Variants in RAD52 observed in about 807,000 individuals in gnomAD.
The protein encoded by RAD52 is DNA repair protein RAD52 homolog.
A neutral mutation model predicts 55.5 loss-of-function variants in RAD52; 47 were observed. The observed-to-expected ratio is 0.85, with a 90% CI of 0.67 to 1.08. The LOEUF (loss-of-function observed/expected upper bound fraction) is 1.08, where lower values mean the gene tolerates loss of function less well. Among genes scored for constraint, RAD52 ranks in the 50% least tolerant of loss-of-function variants. The probability of loss-of-function intolerance (pLI) is 0.00; values close to 1 mark genes in which losing one functional copy is unlikely to be tolerated. For missense variants in RAD52, 468 were observed against 522.8 expected (o/e 0.90, Z 1.02); for synonymous variants, 184 against 198.9 (o/e 0.92, Z 0.63).
chr12:932,834 G>A lies in RAD52; in HGVS notation c.84+141C>T, dbSNP rs200926740. The A allele has an allele frequency of 7.9e-5, 51 of 649,584 alleles. 1 individual carries two copies. The highest frequency in any genetic ancestry group is 4.0e-4 in the African/African-American group (22 of 54,806). The allele number at this position is 649,584 out of a possible 1,614,324, so 40.2% of individuals were successfully genotyped here. A position where few individuals can be genotyped will look rare whatever the true frequency, so the allele number is the denominator to read the frequency against. On this transcript the variant is annotated intron_variant, in intron 2 of 11. Coordinates refer to ENST00000358495, the MANE Select transcript of RAD52 (RefSeq NM_134424.4). ...CTGCTCACACACGTACTAGGTAAAC[G>A]TACTAGGTACTGCTCACACACGTAC... is the stretch of plus-strand genomic sequence containing the variant.
chr12:961,307 C>T (rs1400437779), intron 1 of RAD52, among the ~76,000 whole-genome samples: 6 of 27,400 alleles, frequency 2.2e-4, no homozygotes, highest in African/African-American at 8.1e-4. Context: ...GAGACTCCAT[C>T]TCAAAAAAAA....
At chr12:940,937 G>T (rs1957887828) in intron 1 of RAD52, among the ~76,000 whole-genome samples, 1 of 152,024 alleles carries the variant, frequency 6.6e-6, no homozygotes, top group African/African-American at 2.4e-5. Flanking sequence ...ACATACAATT[G>T]AAGTGAAATT....
At chr12:916,296 T>C (rs200728249) in intron 9 of RAD52, 48 bp downstream of exon 9, 10 of 1,591,784 alleles carry the variant, frequency 6.3e-6, no homozygotes, top group Middle Eastern at 1.7e-4. Flanking sequence ...GCGGCTACAC[T>C]TCCTCCTGCA....
chr12:946,497 T>C (rs1958236106), intron 1 of RAD52, among the ~76,000 whole-genome samples: 1 of 152,186 alleles, frequency 6.6e-6, no homozygotes, highest in Admixed American at 6.5e-5. Flanking sequence ...ATTTAATATA[T>C]ATTGTTGATG....
chr12:957,398 G>A (rs1958621694), intron 1 of RAD52, among the ~76,000 whole-genome samples: 1 of 149,884 alleles, frequency 6.7e-6, no homozygotes, highest in Non-Finnish European at 1.5e-5. Flanking sequence ...GGGAGGCGGA[G>A]GAGGTTGCAG....
intron 1 of RAD52, among the ~76,000 whole-genome samples, chr12:987,259 G>A (rs190386443): frequency 1.8e-4 from 27 of 152,154 alleles, no homozygotes; most frequent in Non-Finnish European, 3.7e-4. Context: ...GTGAGCCACC[G>A]TGCCCAGCCC....
At chr12:960,751 G>C (rs1336492703) in intron 1 of RAD52, among the ~76,000 whole-genome samples, 1 of 152,112 alleles carries the variant, frequency 6.6e-6, no homozygotes, top group Non-Finnish European at 1.5e-5. Context: ...ATAGATGTGA[G>C]CCACCTTACC....
At chr12:969,867 G>A (rs974030016) in intron 1 of RAD52, among the ~76,000 whole-genome samples, 1 of 151,762 alleles carries the variant, frequency 6.6e-6, no homozygotes, top group Non-Finnish European at 1.5e-5. Context: ...GTAAAATGAA[G>A]AAACTATGTA....
At chr12:959,426 T>C (rs1274034781) in intron 1 of RAD52, among the ~76,000 whole-genome samples, 2 of 152,248 alleles carry the variant, frequency 1.3e-5, no homozygotes, top group Admixed American at 1.3e-4. Flanking sequence ...AAGTCTATAC[T>C]GTCACGGAGC....
intron 1 of RAD52, among the ~76,000 whole-genome samples, chr12:979,824 G>T (rs1177011360): frequency 1.3e-5 from 2 of 152,094 alleles, no homozygotes; most frequent in Non-Finnish European, 2.9e-5. Flanking sequence ...GAGGCAGGCG[G>T]ATCACGAGGT....
chr12:936,685 G>A (rs377593554), intron 1 of RAD52: 9 of 152,148 alleles, frequency 5.9e-5, no homozygotes, highest in African/African-American at 2.2e-4. Flanking sequence ...TTTTAGAGAT[G>A]AGTGTCTCAC....
At chr12:926,653 G>C (rs1289267127) in intron 6 of RAD52, 1 of 878,944 alleles carries the variant, frequency 1.1e-6, no homozygotes, top group Non-Finnish European at 1.7e-6. Flanking sequence ...CTGGCACCAG[G>C]CTTCCAGTAC....
chr12:960,045 G>A (rs978673489), intron 1 of RAD52, among the ~76,000 whole-genome samples: 2 of 152,208 alleles, frequency 1.3e-5, no homozygotes, highest in African/African-American at 2.4e-5. Context: ...GGCCTTATAA[G>A]CCAGGGTAAA....
intron 7 of RAD52, among the ~76,000 whole-genome samples, chr12:919,186 C>T (rs1026414782): frequency 3.3e-5 from 5 of 152,188 alleles, no homozygotes; most frequent in Non-Finnish European, 7.3e-5. Flanking sequence ...TGGCTCATGC[C>T]TGTAATCCCA....
intron 7 of RAD52, among the ~76,000 whole-genome samples, chr12:917,364 G>A (rs1181497602): frequency 6.6e-6 from 1 of 152,178 alleles, no homozygotes; most frequent in East Asian, 1.9e-4. Flanking sequence ...AGAAGGGACA[G>A]TCCTGTGCTG....
chr12:945,237 G>A (rs1958147934), intron 1 of RAD52, among the ~76,000 whole-genome samples: 1 of 151,702 alleles, frequency 6.6e-6, no homozygotes, highest in African/African-American at 2.4e-5. Context: ...TGTAATCTCA[G>A]CTCCTCAGGA....
intron 7 of RAD52, among the ~76,000 whole-genome samples, chr12:923,159 A>G (rs1956828602): frequency 6.6e-6 from 1 of 151,940 alleles, no homozygotes; most frequent in Non-Finnish European, 1.5e-5. Context: ...CGCCTAACCT[A>G]ATTTTTTAAA....
At chr12:938,630 C>G (rs965600454) in intron 1 of RAD52, among the ~76,000 whole-genome samples, 4 of 152,088 alleles carry the variant, frequency 2.6e-5, no homozygotes, top group African/African-American at 7.2e-5. Flanking sequence ...GTTGCATGAG[C>G]CAAGATCATG....
chr12:917,730 G>A (rs1368068352), intron 7 of RAD52, among the ~76,000 whole-genome samples: 3 of 127,414 alleles, frequency 2.4e-5, no homozygotes, highest in Non-Finnish European at 5.0e-5. Context: ...AAAAAAAATC[G>A]AAGGAACTCC....
Sources: allele counts gnomAD v4.1 joint callset (sites outside exome capture counted in the v4.1 genomes callset), GRCh38; gene constraint gnomAD v4.1.1; transcripts MANE v1.5; gene names NCBI Gene and HGNC (gene_info 2026-07-23, HGNC 2026-07-21).